Variants in TMX4 observed in about 807,000 individuals in gnomAD.
TMX4 encodes the protein thioredoxin-related transmembrane protein 4.
A neutral mutation model predicts 33.3 loss-of-function variants in TMX4; 23 were observed. The ratio of observed to expected loss-of-function variants is 0.69; its 90% confidence interval spans 0.50 to 0.98. The LOEUF (loss-of-function observed/expected upper bound fraction) is 0.98. TMX4 is among the 50% of genes least tolerant of loss of function. The probability of loss-of-function intolerance (pLI) is 0.00; values close to 1 mark genes in which losing one functional copy is unlikely to be tolerated. For missense variants in TMX4, 399 were observed against 448.9 expected, an observed-to-expected ratio of 0.89 and a Z score of 1.01; for synonymous variants, 164 against 161.5, an observed-to-expected ratio of 1.02 and a Z score of -0.12.
intron 4 of TMX4, 30 bp downstream of exon 4, chr20:7,999,701 AG>A (rs746476405): frequency 6.3e-7 from 1 of 1,597,048 alleles, no homozygotes; most frequent in Non-Finnish European, 8.5e-7. Context: ...CTGTTTTATT[AG>A]TAACACCTTG....
chr20:8,019,667 G>A lies in TMX4; in HGVS notation c.-54C>T, dbSNP rs1458531831. The A allele has an allele frequency of 1.6e-6, 2 of 1,272,882 alleles. No individual in the cohort carries two copies. The highest frequency in any genetic ancestry group is 2.0e-6 in the Non-Finnish European group (2 of 1,005,694). The allele number at this position is 1,272,882 out of a possible 1,614,324, so 78.8% of individuals were successfully genotyped here. A position where few individuals can be genotyped will look rare whatever the true frequency, so the allele number is the denominator to read the frequency against. Reference sequence around the variant, plus strand: ...GGGAGTGTGGGGAAGGGCAGCGGCCGGCCCGCAGCCTCGCTCGCCCGCCGG... The same window carrying A: ...GGGAGTGTGGGGAAGGGCAGCGGCCAGCCCGCAGCCTCGCTCGCCCGCCGG... On this transcript the variant is annotated 5_prime_UTR_variant, in exon 1 of 8. Coordinates refer to ENST00000246024, the MANE Select transcript of TMX4 (RefSeq NM_021156.4).
At chr20:7,997,691 C>T (rs568138201) in intron 4 of TMX4, among the ~76,000 whole-genome samples, 5 of 152,328 alleles carry the variant, frequency 3.3e-5, no homozygotes, top group South Asian at 2.1e-4. Flanking sequence ...TAAAGGCTCT[C>T]GTACTCCTTT....
At position 8,019,602 on chromosome 20, in the gene TMX4, C is replaced by T; in HGVS notation, c.12G>A (p.Gly4=). The T allele has an allele frequency of 7.4e-7, 1 of 1,351,366 alleles. No individual in the cohort carries two copies. The highest frequency in any genetic ancestry group is 1.5e-5 in the African/African-American group (1 of 64,888). 83.7% of individuals were successfully genotyped at this position (1,351,366 alleles called of 1,614,324 possible). MAG[G]RCGPQLTALL... ...GCGCCGTTAGCTGCGGGCCGCAGCG[C>T]CCACCCGCCATGTTGGGCGCCGAGC... Residue 4 remains glycine (G), a synonymous_variant, in exon 1 of 8, where the codon GGG becomes GGA. Coordinates refer to ENST00000246024, the MANE Select transcript of TMX4 (RefSeq NM_021156.4).
In TMX4 at chr20:7,993,974, T is replaced by C. The variant is rs2050665770; in HGVS notation, c.513+2052A>G. ...ATCTTGCTATATACTTTTTATAAGA[T>C]TTATTTAAAACATAATCAAAAGGTT... On this transcript the variant is annotated intron_variant, in intron 5 of 7. Coordinates refer to ENST00000246024, the MANE Select transcript of TMX4 (RefSeq NM_021156.4). 2.0e-5 allele frequency among the ~76,000 whole-genome samples: 3 copies of C among 152,114 alleles called. No homozygotes were observed. The South Asian group carries it at 6.2e-4, about 31-fold the overall frequency.
chr20:7,996,521 A>G (rs1284619820), intron 4 of TMX4, among the ~76,000 whole-genome samples: 1 of 152,076 alleles, frequency 6.6e-6, no homozygotes, highest in Non-Finnish European at 1.5e-5. Flanking sequence ...CACTCCTCAT[A>G]TGTCACTGTG....
At chr20:8,007,869 C>A (rs151295365) in intron 2 of TMX4, among the ~76,000 whole-genome samples, 2 of 152,180 alleles carry the variant, frequency 1.3e-5, no homozygotes, top group Non-Finnish European at 2.9e-5. Context: ...TTTTATCCTA[C>A]GTTTTCTTCA....
At chr20:8,010,551 AATT>A (rs2050748766) in intron 1 of TMX4, among the ~76,000 whole-genome samples, 1 of 152,136 alleles carries the variant, frequency 6.6e-6, no homozygotes, top group African/African-American at 2.4e-5. Flanking sequence ...TATTTCCAAT[AATT>A]ATTATTATCC....
chr20:8,000,717 C>T (rs1472306293), intron 3 of TMX4, among the ~76,000 whole-genome samples: 1 of 152,082 alleles, frequency 6.6e-6, no homozygotes, highest in Non-Finnish European at 1.5e-5. Context: ...CAACTTTTAC[C>T]TCAATGCTGA....
At chr20:8,001,845 G>A (rs1406963751) in intron 2 of TMX4, among the ~76,000 whole-genome samples, 1 of 152,072 alleles carries the variant, frequency 6.6e-6, no homozygotes, top group African/African-American at 2.4e-5. Context: ...TATAACTTTA[G>A]ATTATTTAAC....
At chr20:8,019,247 C>T (rs1402783217) in intron 1 of TMX4, 191 bp downstream of exon 1, 9 of 660,556 alleles carry the variant, frequency 1.4e-5, no homozygotes, top group Non-Finnish European at 1.9e-5. Flanking sequence ...TCCGCGGACC[C>T]CAGGTCGAGC....
chr20:8,001,349 G>T, intron 3 of TMX4, 147 bp downstream of exon 3: 3 of 805,970 alleles, frequency 3.7e-6, no homozygotes, highest in Non-Finnish European at 5.9e-6. Flanking sequence ...AGCTTCTCTT[G>T]TCACAGCTCT....
rs2050592435 is a variant in TMX4, at chr20:7,978,799, G to A, written c.*3452C>T. 1 of 152,158 alleles carries A rather than the reference G, an allele frequency of 6.6e-6. No homozygotes were observed. The highest frequency in any genetic ancestry group is 2.1e-4 in the South Asian group (1 of 4,830). The allele number at this position is 152,158 out of a possible 1,614,324, so 9.4% of individuals were successfully genotyped here. ...GAAAGATGTGGATTGCCTGTATGTT[G>A]CTTCAATATGAGATCTCTGAGCAAG... On this transcript the variant is annotated 3_prime_UTR_variant, in exon 8 of 8. Transcript: ENST00000246024.
chr20:8,015,770 C>A (rs2050772374), intron 1 of TMX4, among the ~76,000 whole-genome samples: 1 of 152,152 alleles, frequency 6.6e-6, no homozygotes, highest in Non-Finnish European at 1.5e-5. Flanking sequence ...AATACTAAAA[C>A]CTAGATGTCC....
chr20:7,996,113 T>G, intron 4 of TMX4, 42 bp from the exon 5 acceptor site: 1 of 1,526,184 alleles, frequency 6.6e-7, no homozygotes, highest in South Asian at 1.2e-5. Context: ...TCATATATAC[T>G]ATAAAAAAAA....
chr20:7,985,238 T>A (rs2050625616), intron 6 of TMX4, among the ~76,000 whole-genome samples: 1 of 147,424 alleles, frequency 6.8e-6, no homozygotes. Flanking sequence ...TGTGTGTGTG[T>A]ATATATATGT....
At chr20:7,997,895 T>C (rs112785176) in intron 4 of TMX4, among the ~76,000 whole-genome samples, 3,232 of 152,286 alleles carry the variant, frequency 0.021, 46 homozygotes, top group Non-Finnish European at 0.03. Context: ...CGGATTCTCA[T>C]GAATAGTTTA....
At position 8,018,463 on chromosome 20, in the gene TMX4, GGAGGGAGGGAGGGA is replaced by G. The variant is rs1568541211; in HGVS notation, c.176+961_176+974del. Among the ~76,000 whole-genome samples the G allele has an allele frequency of 5.7e-3, 158 of 27,738 alleles. 8 individuals carry two copies. Among genetic ancestry groups the G allele is most frequent in the African/African-American group, 0.015 (53 of 3,606 alleles). 18.2% of individuals were successfully genotyped at this position (27,738 alleles called of 152,430 possible). On this transcript the variant is annotated intron_variant, in intron 1 of 7. Coordinates refer to ENST00000246024, the MANE Select transcript of TMX4 (RefSeq NM_021156.4). ...GAGAGAGAGAGGGGGAGGGAGGGAG[GGAGGGAGGGAGGGA>G]GGGGGAGAGAGAGAGAGAGAGAGAG...
chr20:8,004,565 C>G (rs1041034079), intron 2 of TMX4, among the ~76,000 whole-genome samples: 2 of 151,994 alleles, frequency 1.3e-5, no homozygotes, highest in African/African-American at 2.4e-5. Context: ...AAAGTAGGCA[C>G]AAACAGAGAA....
At chr20:7,996,418 A>T (rs968136225) in intron 4 of TMX4, among the ~76,000 whole-genome samples, 6 of 152,180 alleles carry the variant, frequency 3.9e-5, no homozygotes, top group Admixed American at 3.3e-4. Context: ...AATACTGTCC[A>T]GCACTTTCTA....
Sources: allele counts gnomAD v4.1 joint callset (sites outside exome capture counted in the v4.1 genomes callset), GRCh38; gene constraint gnomAD v4.1.1; transcripts MANE v1.5; gene names NCBI Gene and HGNC (gene_info 2026-07-23, HGNC 2026-07-21).